SNX19: variants seen among roughly 807,000 people sequenced by gnomAD.
SNX19 encodes sorting nexin 19.
A neutral mutation model predicts 85.2 loss-of-function variants in SNX19; 60 were observed. The observed-to-expected ratio is 0.70, with a 90% CI of 0.57 to 0.87. The LOEUF (loss-of-function observed/expected upper bound fraction) is 0.87. Ranked by LOEUF, SNX19 falls within the 40% of genes least tolerant of loss-of-function variation. The probability of loss-of-function intolerance (pLI) is 0.00; values close to 1 mark genes in which losing one functional copy is unlikely to be tolerated. For synonymous variants in SNX19, 520 were observed against 470.0 expected (o/e 1.11, Z -1.38); for missense variants, 1,201 against 1,217.8 (o/e 0.99, Z 0.21).
Position 130,914,257 on chromosome 11 carries a change from T to A in SNX19, c.1674+9A>T, listed in dbSNP as rs770774371. On this transcript the variant is annotated intron_variant, in intron 1 of 10. Transcript: ENST00000265909. ...CCCGGGTGAGCACCCACAGCTTTAA[T>A]CCTGTTACCTTCACAGTATAGAGTG... 1 of 1,534,020 alleles carries A rather than the reference T, an allele frequency of 6.5e-7. No individual in the cohort carries two copies. The highest frequency in any genetic ancestry group is 1.3e-5 in the South Asian group (1 of 77,786).
intron 9 of SNX19, among the ~76,000 whole-genome samples, chr11:130,880,041 G>A (rs1188825461): frequency 1.3e-5 from 2 of 152,198 alleles, no homozygotes; most frequent in Non-Finnish European, 2.9e-5. Flanking sequence ...CCAGAGCTAA[G>A]TTCACAATTG....
rs146822848 is a variant in SNX19, at chr11:130,903,696, C to CAT, written c.2444-314_2444-313dup. Among the ~76,000 whole-genome samples, 304 of 134,568 alleles carry CAT rather than the reference C, an allele frequency of 2.3e-3. 3 individuals carry two copies. The highest frequency in any genetic ancestry group is 4.5e-3 in the African/African-American group (162 of 36,278). 88.3% of individuals were successfully genotyped at this position (134,568 alleles called of 152,430 possible). On this transcript the variant is annotated intron_variant, in intron 7 of 10. Coordinates refer to ENST00000265909, the MANE Select transcript of SNX19 (RefSeq NM_014758.3). ...AAATATATATATGTGTGTATATATA[C>CAT]ATATATATATATATACACATACACA...
intron 8 of SNX19, among the ~76,000 whole-genome samples, chr11:130,897,888 G>C (rs1944985793): frequency 6.6e-6 from 1 of 152,138 alleles, no homozygotes; most frequent in African/African-American, 2.4e-5. Context: ...CCCTCCCTTT[G>C]TCTCTCATTC....
intron 8 of SNX19, among the ~76,000 whole-genome samples, chr11:130,897,115 G>C (rs899078055): frequency 3.3e-5 from 5 of 152,132 alleles, no homozygotes; most frequent in African/African-American, 1.2e-4. Context: ...ATGGTTTAGA[G>C]AGAGACATCT....
intron 1 of SNX19, among the ~76,000 whole-genome samples, chr11:130,913,916 C>T (rs1946338497): frequency 1.7e-5 from 1 of 57,984 alleles, no homozygotes; most frequent in Non-Finnish European, 3.1e-5. Context: ...AATACAGAAT[C>T]CAGGGACCCC....
At chr11:130,880,454 A>G (rs1943573955) in intron 9 of SNX19, among the ~76,000 whole-genome samples, 168 bp downstream of exon 9, 1 of 152,236 alleles carries the variant, frequency 6.6e-6, no homozygotes, top group South Asian at 2.1e-4. Context: ...AAAGAATTGC[A>G]GCCCTGTTCA....
Position 130,914,999 on chromosome 11 carries a change from A to G in SNX19, c.941T>C (p.Leu314Pro), listed in dbSNP as rs1426978484. The change falls in exon 1 of 11, where the codon CTA becomes CCA. Residue 314 changes from leucine to proline, a missense_variant. This residue lies in a region of SNX19 where 791 missense variants were observed against 750.9 expected (regional missense o/e 1.05). Transcript: ENST00000265909. ...AGAACCCTCTGGCTCACTGTAACTT[A>G]GGAATACTGGGGCTGCTACTGGAGA... ...RASPVAAPVF[L>P]SYSEPEGSAG... 6.2e-7 allele frequency: 1 copy of G among 1,614,146 alleles called. No homozygotes were observed. The highest frequency in any genetic ancestry group is 2.2e-5 in the East Asian group (1 of 44,872).
chr11:130,868,906 T>C lies in SNX19; in HGVS notation c.*9516A>G, dbSNP rs937157858. 2.6e-5 allele frequency: 4 copies of C among 152,214 alleles called. No homozygotes were observed. The highest frequency in any genetic ancestry group is 7.2e-5 in the African/African-American group (3 of 41,430). 9.4% of individuals were successfully genotyped at this position (152,214 alleles called of 1,614,324 possible). A position where few individuals can be genotyped will look rare whatever the true frequency, so the allele number is the denominator to read the frequency against. ...CAAGCCTATCAGGAGGAAAGAAATA[T>C]GTTACTCACTGCCACAAGAAGGTTG... On this transcript the variant is annotated 3_prime_UTR_variant, in exon 11 of 11. Transcript: ENST00000265909.
rs1289516385 is a variant in SNX19 at position 130,866,688 on chromosome 11, G to A, written c.*11734C>T. On this transcript the variant is annotated 3_prime_UTR_variant, in exon 11 of 11. Transcript: ENST00000265909. ...AGCGTGGTTTACCAGCGAAAGGACT[G>A]AACAGAGTGCCAGGAGCCCTTAGCT... The A allele has an allele frequency of 6.6e-6, 1 of 152,196 alleles. No homozygotes were observed. Among genetic ancestry groups the A allele is most frequent in the African/African-American group, 2.4e-5 (1 of 41,438 alleles). 9.4% of individuals were successfully genotyped at this position (152,196 alleles called of 1,614,324 possible). A position where few individuals can be genotyped will look rare whatever the true frequency, so the allele number is the denominator to read the frequency against.
chr11:130,904,903 C>T (rs1053767981), intron 7 of SNX19, among the ~76,000 whole-genome samples: 1 of 152,112 alleles, frequency 6.6e-6, no homozygotes, highest in African/African-American at 2.4e-5. Context: ...TGTCATATCA[C>T]TTCATTTAGT....
rs1945695472 is a variant in SNX19 at position 130,906,653 on chromosome 11, A to C, written c.2234T>G (p.Ile745Ser). ...ATTGCCTTCCTGGAGACAATAAAGA[A>C]TCTTGTCTTGTGCTTCAGTCACACT... ...ALSVTEAQDK[I>S]LYCLQEGNVE... The change falls in exon 6 of 11, where the codon ATT (isoleucine) becomes AGT (serine). Residue 745 changes from isoleucine to serine, a missense_variant. By Grantham distance (142) the Ile-to-Ser change is moderately radical. Coordinates refer to ENST00000265909, the MANE Select transcript of SNX19 (RefSeq NM_014758.3). 6.2e-7 allele frequency: 1 copy of C among 1,612,828 alleles called. No homozygotes were observed.
intron 8 of SNX19, among the ~76,000 whole-genome samples, chr11:130,888,164 T>TA (rs1462407176): frequency 6.6e-5 from 10 of 151,742 alleles, no homozygotes; most frequent in African/African-American, 1.7e-4. Context: ...TTTGTGCAAT[T>TA]AAAAAAAAAT....
At chr11:130,879,856 C>T in intron 9 of SNX19, 145 bp from the exon 10 acceptor site, 1 of 646,712 alleles carries the variant, frequency 1.5e-6, no homozygotes, top group Admixed American at 2.8e-5. Context: ...AACTAAAATC[C>T]TCACAAAACA....
chr11:130,901,065 A>G (rs912030886), intron 8 of SNX19, among the ~76,000 whole-genome samples: 1 of 152,182 alleles, frequency 6.6e-6, no homozygotes, highest in African/African-American at 2.4e-5. Context: ...GGTAACACTG[A>G]TATTTTGGGC....
Position 130,916,037 on chromosome 11 carries a change from G to C in SNX19, c.-98C>G, listed in dbSNP as rs546430070. On this transcript the variant is annotated 5_prime_UTR_variant, in exon 1 of 11. In the 5' UTR this introduces an upstream ATG that the reference lacks. Transcript: ENST00000265909. ...ATGAACTGTGTCTCAGATATGGGGC[G>C]ATCTGGGTGCTGTTCAGGGAACCGG... The C allele has an allele frequency of 1.2e-4, 133 of 1,120,740 alleles. No individual in the cohort carries two copies. The East Asian group carries it at 1.8e-3, about 15-fold the overall frequency. The allele number at this position is 1,120,740 out of a possible 1,614,324, so 69.4% of individuals were successfully genotyped here.
chr11:130,906,145 T>A lies in SNX19; in HGVS notation c.2263-12A>T. 1 of 1,611,576 alleles carries A rather than the reference T, an allele frequency of 6.2e-7. No individual in the cohort carries two copies. Among genetic ancestry groups the A allele is most frequent in the Non-Finnish European group, 8.5e-7 (1 of 1,178,896 alleles). On this transcript the variant is annotated splice_polypyrimidine_tract_variant and intron_variant, in intron 6 of 10. Coordinates refer to ENST00000265909, the MANE Select transcript of SNX19 (RefSeq NM_014758.3). ...AGAGTCTCAGACTCCTAAGAAATAG[T>A]CAGTGGCATATCACATATGGAATGC...
rs1943372159 is a variant in SNX19 at position 130,878,131 on chromosome 11, G to A, written c.*291C>T. 4.8e-6 allele frequency: 1 copy of A among 209,010 alleles called. No individual in the cohort carries two copies. Among genetic ancestry groups the A allele is most frequent in the Non-Finnish European group, 9.2e-6 (1 of 109,248 alleles). 12.9% of individuals were successfully genotyped at this position (209,010 alleles called of 1,614,324 possible). A position where few individuals can be genotyped will look rare whatever the true frequency, so the allele number is the denominator to read the frequency against. On this transcript the variant is annotated 3_prime_UTR_variant, in exon 11 of 11. Transcript: ENST00000265909. ...GAGGATGGCAAAAGGAGAAGCAAAA[G>A]GGGTTCATTCCTCTACCTCACAGCT... is the stretch of plus-strand genomic sequence containing the variant.
intron 1 of SNX19, 28 bp from the exon 2 acceptor site, chr11:130,911,799 A>G: frequency 1.2e-6 from 2 of 1,608,618 alleles, no homozygotes; most frequent in Middle Eastern, 1.7e-4. Context: ...TGATTGACTC[A>G]ATCAGCCGGG....
At chr11:130,901,674 AAT>A (rs1945266475) in intron 8 of SNX19, 1 of 152,216 alleles carries the variant, frequency 6.6e-6, no homozygotes, top group Non-Finnish European at 1.5e-5. Context: ...AATATAAAGA[AAT>A]AAATGCATAT....
Sources: allele counts gnomAD v4.1 joint callset (sites outside exome capture counted in the v4.1 genomes callset), GRCh38; gene constraint gnomAD v4.1.1; regional missense constraint gnomAD v4.1.1; transcripts MANE v1.5; gene names NCBI Gene and HGNC (gene_info 2026-07-23, HGNC 2026-07-21).